RGS6: variants seen among roughly 807,000 people sequenced by gnomAD.
RGS6 encodes regulator of G protein signaling 6.
A neutral mutation model predicts 78.5 loss-of-function variants in RGS6; 30 were observed. The ratio of observed to expected loss-of-function variants is 0.38; its 90% confidence interval spans 0.29 to 0.52. The LOEUF (loss-of-function observed/expected upper bound fraction) is 0.52. Among genes scored for constraint, RGS6 ranks in the 20% least tolerant of loss-of-function variants. The probability of loss-of-function intolerance (pLI) is 0.85; values close to 1 mark genes in which losing one functional copy is unlikely to be tolerated. For synonymous variants in RGS6, 206 were observed against 206.0 expected, an observed-to-expected ratio of 1.00 and a Z score of 0.00; for missense variants, 495 against 609.7, an observed-to-expected ratio of 0.81 and a Z score of 1.98.
chr14:72,492,368 A>G (rs1211193047), intron 12 of RGS6, among the ~76,000 whole-genome samples: 1 of 152,178 alleles, frequency 6.6e-6, no homozygotes, highest in East Asian at 1.9e-4. Flanking sequence ...CTGTCTGTTC[A>G]GATTCTTCTT....
intron 3 of RGS6, among the ~76,000 whole-genome samples, chr14:72,400,673 C>A (rs958636988): frequency 1.3e-5 from 2 of 152,192 alleles, no homozygotes; most frequent in South Asian, 2.1e-4. Context: ...TATTTGAATT[C>A]TTTCTATGCA....
chr14:71,927,718 C>T (rs1317326250), upstream of RGS6, among the ~76,000 whole-genome samples: 2 of 150,258 alleles, frequency 1.3e-5, no homozygotes, highest in Non-Finnish European at 3.0e-5. Context: ...AGTGCAGTGG[C>T]GCGATCTCGA....
At chr14:72,170,134 C>G (rs186116397) in intron 2 of RGS6, among the ~76,000 whole-genome samples, 90 of 152,240 alleles carry the variant, frequency 5.9e-4, no homozygotes, top group Admixed American at 3.5e-3. Flanking sequence ...AGCAGTTAGT[C>G]TTCCCTGGAT....
intron 2 of RGS6, among the ~76,000 whole-genome samples, chr14:72,167,416 G>A (rs1331034905): frequency 6.6e-6 from 1 of 152,202 alleles, no homozygotes; most frequent in Non-Finnish European, 1.5e-5. Flanking sequence ...TTGGTTAGAA[G>A]CAAGTTACAG....
intron 3 of RGS6, among the ~76,000 whole-genome samples, chr14:72,422,145 C>CTT: frequency 6.6e-6 from 1 of 152,198 alleles, no homozygotes; most frequent in Non-Finnish European, 1.5e-5. Flanking sequence ...ATGACTTGCA[C>CTT]CTCCTTGCCT....
intron 2 of RGS6, among the ~76,000 whole-genome samples, chr14:71,967,094 T>G (rs887146637): frequency 6.6e-6 from 1 of 151,996 alleles, no homozygotes; most frequent in Non-Finnish European, 1.5e-5. Context: ...TGGTTTAATT[T>G]AGTAACTAAC....
chr14:71,964,837 C>A lies in RGS6; in HGVS notation c.46C>A (p.Pro16Thr). 1 of 1,613,724 alleles carries A rather than the reference C, an allele frequency of 6.2e-7. No individual in the cohort carries two copies. Among genetic ancestry groups the A allele is most frequent in the South Asian group, 1.1e-5 (1 of 91,034 alleles). ...TCAAAGAGCAGTGGGGGTTGCTGAC[C>A]CAGAGGAGAGTTCTCCAAACATGAT... The part of the protein sequence containing the change: ...GDQRAVGVAD[P>T]EESSPNMIVY... The change falls in exon 2 of 18, where the codon CCA (proline) becomes ACA (threonine). Residue 16 changes from proline to threonine, a missense_variant. By Grantham distance (38) the Pro-to-Thr change is conservative. Coordinates refer to ENST00000553525, the MANE Select transcript of RGS6 (RefSeq NM_001204424.2).
the RGS6 span, among the ~76,000 whole-genome samples, chr14:71,893,729 A>G: frequency 0.045 from 6,857 of 152,290 alleles, 369 homozygotes; most frequent in African/African-American, 0.12. Context: ...CATATGTACC[A>G]TACATCACAC....
chr14:72,050,805 G>A (rs890154058), intron 2 of RGS6, among the ~76,000 whole-genome samples: 2 of 152,136 alleles, frequency 1.3e-5, no homozygotes, highest in East Asian at 1.9e-4. Flanking sequence ...TATAGGGAGG[G>A]CTGACTTTGC....
At chr14:71,985,161 G>A (rs1489031260) in intron 2 of RGS6, among the ~76,000 whole-genome samples, 1 of 152,096 alleles carries the variant, frequency 6.6e-6, no homozygotes, top group East Asian at 1.9e-4. Flanking sequence ...GTCTCGTTCT[G>A]TCACCAGGCT....
the RGS6 span, among the ~76,000 whole-genome samples, chr14:72,571,797 GA>G: frequency 0.15 from 22,691 of 151,636 alleles, 2,220 homozygotes; most frequent in African/African-American, 0.28. Flanking sequence ...AACAACAAAA[GA>G]AAAAAATAGA....
intron 12 of RGS6, among the ~76,000 whole-genome samples, chr14:72,485,983 AT>A (rs1328491275): frequency 6.6e-6 from 1 of 152,154 alleles, no homozygotes; most frequent in Non-Finnish European, 1.5e-5. Flanking sequence ...AGTTCCCATA[AT>A]CCCCACACGT....
intron 3 of RGS6, among the ~76,000 whole-genome samples, chr14:72,356,520 T>C (rs193284208): frequency 6.6e-6 from 1 of 152,284 alleles, no homozygotes; most frequent in East Asian, 1.9e-4. Context: ...GCACTGGAGA[T>C]GTGTGAAGTA....
At chr14:71,940,964 C>T (rs896115257) in intron 1 of RGS6, among the ~76,000 whole-genome samples, 5 of 152,270 alleles carry the variant, frequency 3.3e-5, no homozygotes, top group Admixed American at 1.3e-4. Flanking sequence ...CACAGTGGGC[C>T]GCCTTTAAGA....
the RGS6 span, among the ~76,000 whole-genome samples, chr14:71,921,640 A>C: frequency 6.6e-6 from 1 of 152,266 alleles, no homozygotes; most frequent in Non-Finnish European, 1.5e-5. Flanking sequence ...TCTCACTTAT[A>C]TGTGGGATCT....
At chr14:72,443,735 G>C (rs182603779) in intron 3 of RGS6, among the ~76,000 whole-genome samples, 1 of 152,170 alleles carries the variant, frequency 6.6e-6, no homozygotes, top group Non-Finnish European at 1.5e-5. Flanking sequence ...CCAGAAATAT[G>C]CTCAGCTGCC....
intron 2 of RGS6, among the ~76,000 whole-genome samples, chr14:72,119,765 G>A (rs942563084): frequency 6.6e-6 from 1 of 152,202 alleles, no homozygotes; most frequent in Admixed American, 6.5e-5. Context: ...GAGCTCTGAT[G>A]TGAAACATGG....
intron 2 of RGS6, among the ~76,000 whole-genome samples, chr14:71,966,526 G>T (rs538589574): frequency 6.6e-6 from 1 of 152,180 alleles, no homozygotes; most frequent in Non-Finnish European, 1.5e-5. Flanking sequence ...AGGCTGGTAG[G>T]AACATGGGCT....
At chr14:72,598,039 T>A in the RGS6 span, among the ~76,000 whole-genome samples, 1 of 152,138 alleles carries the variant, frequency 6.6e-6, no homozygotes, top group Non-Finnish European at 1.5e-5. Context: ...ACAACAAAAA[T>A]CCCCAGTGCA....
Sources: gnomAD v4.1 joint callset for allele counts (sites outside exome capture counted in the v4.1 genomes callset) on GRCh38, gnomAD v4.1.1 for gene constraint, MANE v1.5 for transcripts, NCBI Gene and HGNC (gene_info 2026-07-23, HGNC 2026-07-21) for gene names.